Variants in PRR36 observed in about 807,000 individuals in gnomAD.
The protein encoded by PRR36 is proline-rich protein 36.
PRR36 carries 30 observed loss-of-function variants against 58.6 expected under a neutral mutation model. That is an observed-to-expected ratio of 0.51 (90% CI 0.38 to 0.69). The LOEUF (loss-of-function observed/expected upper bound fraction) is 0.69, where lower values mean the gene tolerates loss of function less well. PRR36 is among the 30% of genes least tolerant of loss of function. The probability of loss-of-function intolerance (pLI) is 0.00; values close to 1 mark genes in which losing one functional copy is unlikely to be tolerated. For synonymous variants in PRR36, 771 were observed against 829.3 expected (o/e 0.93, Z 1.21); for missense variants, 1,692 against 1,805.6 (o/e 0.94, Z 1.14).
rs977587736 is a variant in PRR36 at position 7,869,740 on chromosome 19, C to G, written c.3504G>C (p.Pro1168=). 25 of 1,345,812 alleles carry G rather than the reference C, an allele frequency of 1.9e-5. No individual in the cohort carries two copies. The South Asian group carries it at 3.0e-4, about 16-fold the overall frequency. 83.4% of individuals were successfully genotyped at this position (1,345,812 alleles called of 1,614,324 possible). A position where few individuals can be genotyped will look rare whatever the true frequency, so the allele number is the denominator to read the frequency against. The change falls in exon 5 of 6, where the codon CCG becomes CCC. Residue 1168 remains proline (P), a synonymous_variant. Transcript: ENST00000618550. The part of the protein sequence containing the change: ...HPAAWSRGPA[P]PLAFRGAPGA... ...CTGGGGCTCCGCGGAAAGCCAGCGG[C>G]GGAGCGGGGCCTCGACTCCAGGCAG...
Position 7,868,934 on chromosome 19 carries a change from C to A in PRR36, c.*99G>T. The A allele has an allele frequency of 7.5e-7, 1 of 1,336,038 alleles. No individual in the cohort carries two copies. Among genetic ancestry groups the A allele is most frequent in the Non-Finnish European group, 9.9e-7 (1 of 1,008,542 alleles). 82.8% of individuals were successfully genotyped at this position (1,336,038 alleles called of 1,614,324 possible). A position where few individuals can be genotyped will look rare whatever the true frequency, so the allele number is the denominator to read the frequency against. On this transcript the variant is annotated 3_prime_UTR_variant, in exon 6 of 6. Coordinates refer to ENST00000618550, the MANE Select transcript of PRR36 (RefSeq NM_001190467.2). ...GCTAAGACTAATCCACCCAGCGGGG[C>A]TCCAGGGCAGTGGAGGCGGGGTCTA...
In PRR36 at chr19:7,869,452, G is replaced by A. The variant is rs1454358184; in HGVS notation, c.3622C>T (p.Pro1208Ser). ...CCCGGATCCAGTGCGCCAGGGGCGG[G>A]GGTCGCCGACTCGGGCCCTTCAGTC... ...YETEGPESAT[P>S]APGALDPGPS... Residue 1208 changes from proline (P) to serine (S), a missense_variant, in exon 6 of 6, where the codon CCC becomes TCC. By Grantham distance (74) the Pro-to-Ser change is moderately conservative. Coordinates refer to ENST00000618550, the MANE Select transcript of PRR36 (RefSeq NM_001190467.2). 1.1e-5 allele frequency: 17 copies of A among 1,503,492 alleles called. 1 individual carries two copies. In the East Asian group the frequency reaches 4.2e-4, roughly 37 times the overall value. 93.1% of individuals were successfully genotyped at this position (1,503,492 alleles called of 1,614,324 possible).
rs1599587430 is a variant in PRR36 at position 7,869,741 on chromosome 19, G to A, written c.3503C>T (p.Pro1168Leu). 1.5e-6 allele frequency: 2 copies of A among 1,347,348 alleles called. No individual in the cohort carries two copies. The highest frequency in any genetic ancestry group is 1.8e-5 in the South Asian group (1 of 56,200). The allele number at this position is 1,347,348 out of a possible 1,614,324, so 83.5% of individuals were successfully genotyped here. Residue 1168 changes from proline (P) to leucine (L), a missense_variant, in exon 5 of 6, where the codon CCG becomes CTG. Pro to Leu is a moderately conservative substitution (Grantham distance 98). This residue lies in a region of PRR36 where 485 missense variants were observed against 549.2 expected (regional missense o/e 0.88). Transcript: ENST00000618550. The part of the protein sequence containing the change: ...HPAAWSRGPA[P>L]PLAFRGAPGA... ...TGGGGCTCCGCGGAAAGCCAGCGGC[G>A]GAGCGGGGCCTCGACTCCAGGCAGC...
chr19:7,870,564 G>A lies in PRR36; in HGVS notation c.2680C>T (p.Pro894Ser). Residue 894 changes from proline to serine, a missense_variant, in exon 5 of 6, where the codon CCA becomes TCA. Pro to Ser is a moderately conservative substitution (Grantham distance 74). Coordinates refer to ENST00000618550, the MANE Select transcript of PRR36 (RefSeq NM_001190467.2). ...GGGGGAGAGAAAGGGGCCTGCACTG[G>A]GGGTGAGGGAGGGGGAGAGAAAGGG... ...QAPFSPPPSP[P>S]VQAPFSPPAS... The A allele has an allele frequency of 9.0e-7, 1 of 1,107,358 alleles. No individual in the cohort carries two copies. Among genetic ancestry groups the A allele is most frequent in the South Asian group, 2.6e-5 (1 of 38,446 alleles). The allele number at this position is 1,107,358 out of a possible 1,614,324, so 68.6% of individuals were successfully genotyped here. A position where few individuals can be genotyped will look rare whatever the true frequency, so the allele number is the denominator to read the frequency against.
Position 7,871,545 on chromosome 19 carries a change from C to T in PRR36, c.1699G>A (p.Ala567Thr). The change falls in exon 5 of 6, where the codon GCC becomes ACC. Residue 567 changes from alanine (A) to threonine (T), a missense_variant. Ala to Thr is a moderately conservative substitution (Grantham distance 58, BLOSUM62 0). Transcript: ENST00000618550. ...GGGGGCGTAGTCATAGAAGGTGGGG[C>T]CTGTGGGTGGGGCGGAGCCTGCAGA... ...PPLQAPPHPQ[A>T]PPSMTTPPMQ... 1 of 1,534,512 alleles carries T rather than the reference C, an allele frequency of 6.5e-7. No individual in the cohort carries two copies. The highest frequency in any genetic ancestry group is 8.7e-7 in the Non-Finnish European group (1 of 1,146,472).
Position 7,870,581 on chromosome 19 carries a change from G to T in PRR36, c.2663C>A (p.Ser888Tyr). The T allele has an allele frequency of 8.4e-7, 1 of 1,188,648 alleles. No homozygotes were observed. Among genetic ancestry groups the T allele is most frequent in the Non-Finnish European group, 1.1e-6 (1 of 942,120 alleles). The allele number at this position is 1,188,648 out of a possible 1,614,324, so 73.6% of individuals were successfully genotyped here. A position where few individuals can be genotyped will look rare whatever the true frequency, so the allele number is the denominator to read the frequency against. The change falls in exon 5 of 6, where the codon TCT (serine) becomes TAT (tyrosine). Residue 888 changes from serine (S) to tyrosine (Y), a missense_variant. Physicochemically the swap from Ser to Tyr is moderately radical, Grantham distance 144 (BLOSUM62 -2). Around this residue, in one of 5 missense-constraint regions of PRR36, gnomAD observed 171 missense variants for 146.2 expected, o/e 1.17. Coordinates refer to ENST00000618550, the MANE Select transcript of PRR36 (RefSeq NM_001190467.2). ...LAVHLLQAPF[S>Y]PPPSPPVQAP... Reference sequence around the variant, plus strand: ...CTGCACTGGGGGTGAGGGAGGGGGAGAGAAAGGGGCCTGCAGAAGGTGCAC... The same window carrying T: ...CTGCACTGGGGGTGAGGGAGGGGGATAGAAAGGGGCCTGCAGAAGGTGCAC...
At position 7,874,106 on chromosome 19, in the gene PRR36, C is replaced by G. The variant is rs1374009163; in HGVS notation, c.-8+180G>C. On this transcript the variant is annotated intron_variant, in intron 1 of 5. Transcript: ENST00000618550. This position sits in a 1 kb window ranked among gnomAD's most constrained non-coding sequence, Gnocchi z 6.0. ...CGGAGCGCACGCCCGGGTCTCCCCG[C>G]CAGCCCCCATCGGCCTCCCCTGGCC... 2.6e-5 allele frequency among the ~76,000 whole-genome samples: 4 copies of G among 152,200 alleles called. No homozygotes were observed. Among genetic ancestry groups the G allele is most frequent in the Non-Finnish European group, 5.9e-5 (4 of 68,024 alleles).
chr19:7,870,302 G>A lies in PRR36; in HGVS notation c.2942C>T (p.Pro981Leu). Residue 981 changes from proline to leucine, a missense_variant, in exon 5 of 6, where the codon CCC (proline) becomes CTC (leucine). Pro to Leu is a moderately conservative substitution (Grantham distance 98, BLOSUM62 -3). Coordinates refer to ENST00000618550, the MANE Select transcript of PRR36 (RefSeq NM_001190467.2). ...PSATPPPRVP[P>L]LLAAPPLQVP... ...CTGCAGAGGAGGAGCGGCAAGAAGG[G>A]GTGGGACCCGTGGAGGGGGCGTGGC... 1.6e-6 allele frequency: 2 copies of A among 1,268,436 alleles called. No homozygotes were observed. The highest frequency in any genetic ancestry group is 1.9e-5 in the African/African-American group (1 of 51,732). 78.6% of individuals were successfully genotyped at this position (1,268,436 alleles called of 1,614,324 possible).
chr19:7,873,051 T>C lies in PRR36; in HGVS notation c.375-90A>G. 7.4e-7 allele frequency: 1 copy of C among 1,342,738 alleles called. No individual in the cohort carries two copies. Among genetic ancestry groups the C allele is most frequent in the Non-Finnish European group, 1.0e-6 (1 of 976,902 alleles). 83.2% of individuals were successfully genotyped at this position (1,342,738 alleles called of 1,614,324 possible). On this transcript the variant is annotated intron_variant, in intron 3 of 5. Coordinates refer to ENST00000618550, the MANE Select transcript of PRR36 (RefSeq NM_001190467.2). The surrounding 1 kb of genome is among the most constrained non-coding windows in gnomAD (Gnocchi z 5.0). ...CCATCTGTGAAATGGGCATGTGCCC[T>C]CTCTGAGGACCAATAATGGCTTTCA...
rs1980469395 is a variant in PRR36 at position 7,871,924 on chromosome 19, A to T, written c.1320T>A (p.Asn440Lys). The change falls in exon 5 of 6, where the codon AAT (asparagine) becomes AAA (lysine). Residue 440 changes from asparagine to lysine, a missense_variant. This residue lies in a region of PRR36 where 975 missense variants were observed against 955.2 expected (regional missense o/e 1.02). Coordinates refer to ENST00000618550, the MANE Select transcript of PRR36 (RefSeq NM_001190467.2). ...PLQSMPPTQA[N>K]PALPSLPTLL... ...GAGTCGGAAGAGAGGGCAACGCTGG[A>T]TTAGCTTGGGTGGGGGGCATACTCT... The T allele has an allele frequency of 6.5e-7, 1 of 1,535,374 alleles. No individual in the cohort carries two copies. The highest frequency in any genetic ancestry group is 1.4e-5 in the African/African-American group (1 of 72,836).
In PRR36 at chr19:7,873,104, T is replaced by G; in HGVS notation, c.374+93A>C. 7.3e-7 allele frequency: 1 copy of G among 1,373,186 alleles called. No homozygotes were observed. The highest frequency in any genetic ancestry group is 1.0e-6 in the Non-Finnish European group (1 of 1,001,872). The allele number at this position is 1,373,186 out of a possible 1,614,324, so 85.1% of individuals were successfully genotyped here. ...CAATTTGTGCCCAGTGACCTGCAAG[T>G]GCTCCCGCGCCCCAACTCGTGTAAA... On this transcript the variant is annotated intron_variant, in intron 3 of 5. Transcript: ENST00000618550. The surrounding 1 kb of genome is among the most constrained non-coding windows in gnomAD (Gnocchi z 5.0).
rs894020728 is a variant in PRR36 at position 7,872,480 on chromosome 19, G to C, written c.764C>G (p.Ser255Cys). The C allele has an allele frequency of 1.4e-6, 2 of 1,472,678 alleles. No individual in the cohort carries two copies. The highest frequency in any genetic ancestry group is 1.8e-6 in the Non-Finnish European group (2 of 1,119,230). 91.2% of individuals were successfully genotyped at this position (1,472,678 alleles called of 1,614,324 possible). The change falls in exon 5 of 6, where the codon TCT (serine) becomes TGT (cysteine). Residue 255 changes from serine to cysteine, a missense_variant. By Grantham distance (112) the Ser-to-Cys change is moderately radical. Around this residue, in one of 5 missense-constraint regions of PRR36, gnomAD observed 975 missense variants for 955.2 expected, o/e 1.02. Coordinates refer to ENST00000618550, the MANE Select transcript of PRR36 (RefSeq NM_001190467.2). This position sits in a 1 kb window ranked among gnomAD's most constrained non-coding sequence, Gnocchi z 6.1. ...SATPLSSPAR[S>C]GPSARGTPRA... ...GGGTGTTCCGCGGGCTGAGGGCCCA[G>C]AACGGGCTGGGGAGGAGAGAGGGGT...
rs1568253694 is a variant in PRR36 at position 7,873,678 on chromosome 19, CTTG to C, written c.9_11del (p.Asn3del). On this transcript the variant is annotated inframe_deletion, in exon 2 of 6. Coordinates refer to ENST00000618550, the MANE Select transcript of PRR36 (RefSeq NM_001190467.2). The surrounding 1 kb of genome is among the most constrained non-coding windows in gnomAD (Gnocchi z 5.0). ...CGGCCCCTGCCTTCGCCTTGTCTCTCTTGTTGTCCATCTTGCACCTGAAGAGAC... is the reference window on the plus strand; with the variant it reads ...CGGCCCCTGCCTTCGCCTTGTCTCTCTTGTCCATCTTGCACCTGAAGAGAC... The C allele has an allele frequency of 6.5e-6, 10 of 1,535,050 alleles. No individual in the cohort carries two copies. The East Asian group carries it at 1.2e-4, about 19-fold the overall frequency.
In PRR36 at chr19:7,870,241, A is replaced by C; in HGVS notation, c.3003T>G (p.Ser1001=). 2 of 1,338,910 alleles carry C rather than the reference A, an allele frequency of 1.5e-6. No individual in the cohort carries two copies. The highest frequency in any genetic ancestry group is 3.7e-5 in the Admixed American group (1 of 27,288). 82.9% of individuals were successfully genotyped at this position (1,338,910 alleles called of 1,614,324 possible). A position where few individuals can be genotyped will look rare whatever the true frequency, so the allele number is the denominator to read the frequency against. Residue 1001 remains serine (S), a synonymous_variant, in exon 5 of 6, where the codon TCT becomes TCG. Coordinates refer to ENST00000618550, the MANE Select transcript of PRR36 (RefSeq NM_001190467.2). ...PPSPPASLPM[S]PLAKPPPQAP... ...CCTGTGGAGGGGGCTTAGCCAAAGG[A>C]GACATTGGGAGTGAGGCAGGGGGAG... is the stretch of plus-strand genomic sequence containing the variant.
At position 7,870,836 on chromosome 19, in the gene PRR36, G is replaced by T; in HGVS notation, c.2408C>A (p.Pro803Gln). The change falls in exon 5 of 6, where the codon CCG becomes CAG. Residue 803 changes from proline to glutamine, a missense_variant. Coordinates refer to ENST00000618550, the MANE Select transcript of PRR36 (RefSeq NM_001190467.2). ...CGTGGCTATGGAAGAGGGCGTCTCC[G>T]GAGGGGGCGTGGTCAATGGCGAAGG... ...APPSPLTTPP[P>Q]ETPSSIATPP... is the part of the protein sequence containing the mutation. 6.9e-7 allele frequency: 1 copy of T among 1,446,936 alleles called. No homozygotes were observed. The highest frequency in any genetic ancestry group is 9.0e-7 in the Non-Finnish European group (1 of 1,107,516). The allele number at this position is 1,446,936 out of a possible 1,614,324, so 89.6% of individuals were successfully genotyped here.
At position 7,869,409 on chromosome 19, in the gene PRR36, C is replaced by G. The variant is rs1980264378; in HGVS notation, c.3665G>C (p.Ser1222Thr). The G allele has an allele frequency of 6.7e-7, 1 of 1,486,240 alleles. No individual in the cohort carries two copies. Among genetic ancestry groups the G allele is most frequent in the South Asian group, 1.3e-5 (1 of 79,094 alleles). The allele number at this position is 1,486,240 out of a possible 1,614,324, so 92.1% of individuals were successfully genotyped here. ...GGCCCCAGCCGCCGCCTTCCCACCG[C>G]TCGTGCCGGGACTGGGCCCCGGATC... ...ALDPGPSPGT[S>T]GGKAAAGAGA... Residue 1222 changes from serine (S) to threonine (T), a missense_variant, in exon 6 of 6, where the codon AGC becomes ACC. Physicochemically the swap from Ser to Thr is moderately conservative, Grantham distance 58. Around this residue, in one of 5 missense-constraint regions of PRR36, gnomAD observed 485 missense variants for 549.2 expected, o/e 0.88. Coordinates refer to ENST00000618550, the MANE Select transcript of PRR36 (RefSeq NM_001190467.2).
At position 7,872,605 on chromosome 19, in the gene PRR36, C is replaced by T. The variant is rs754065424; in HGVS notation, c.639G>A (p.Ser213=). 1 of 1,508,396 alleles carries T rather than the reference C, an allele frequency of 6.6e-7. No individual in the cohort carries two copies. Among genetic ancestry groups the T allele is most frequent in the South Asian group, 1.2e-5 (1 of 80,848 alleles). The allele number at this position is 1,508,396 out of a possible 1,614,324, so 93.4% of individuals were successfully genotyped here. A position where few individuals can be genotyped will look rare whatever the true frequency, so the allele number is the denominator to read the frequency against. The change falls in exon 5 of 6, where the codon TCG becomes TCA. Residue 213 remains serine (S), a synonymous_variant. Transcript: ENST00000618550. The surrounding 1 kb of genome is among the most constrained non-coding windows in gnomAD (Gnocchi z 6.1). ...GGCTTGGCTCGGTGGTACTGTGCTC[C>T]GAGGCGCTGCTCACTGATTTCCGGG... ...EGPRKSVSSA[S]EHSTTEPSPA...
At chr19:7,869,680 G>A (rs1458256677) in intron 5 of PRR36, 35 bp downstream of exon 5, 2 of 1,376,270 alleles carry the variant, frequency 1.5e-6, no homozygotes, top group Non-Finnish European at 9.4e-7. Context: ...CTCCGACCCC[G>A]CCCACAGCCA....
In PRR36 at chr19:7,871,890, G is replaced by A; in HGVS notation, c.1354C>T (p.Pro452Ser). ...GCTGACAGAGGAGGTGTGGCCAAGG[G>A]AGAGAGGAGAGTCGGAAGAGAGGGC... ...ALPSLPTLLS[P>S]LATPPLSAMS... is the part of the protein sequence containing the mutation. Residue 452 changes from proline to serine, a missense_variant, in exon 5 of 6, where the codon CCC becomes TCC. This residue lies in a region of PRR36 where 975 missense variants were observed against 955.2 expected (regional missense o/e 1.02). Coordinates refer to ENST00000618550, the MANE Select transcript of PRR36 (RefSeq NM_001190467.2). 6.5e-7 allele frequency: 1 copy of A among 1,536,008 alleles called. No individual in the cohort carries two copies. The highest frequency in any genetic ancestry group is 1.2e-5 in the South Asian group (1 of 84,066).
Sources: allele counts gnomAD v4.1 joint callset (sites outside exome capture counted in the v4.1 genomes callset), GRCh38; gene constraint gnomAD v4.1.1; regional missense constraint gnomAD v4.1.1; non-coding constraint Gnocchi (gnomAD v3.1); transcripts MANE v1.5; gene names NCBI Gene and HGNC (gene_info 2026-07-23, HGNC 2026-07-21).